Variants in ESRRG observed in about 807,000 individuals in gnomAD.
The protein encoded by ESRRG is estrogen related receptor gamma.
In ESRRG, 13 loss-of-function variants were observed where a neutral mutation model predicts 44.0. That is an observed-to-expected ratio of 0.30 (90% CI 0.19 to 0.47). The LOEUF is 0.47. Among genes scored for constraint, ESRRG ranks in the 20% least tolerant of loss-of-function variants. The probability of loss-of-function intolerance (pLI) is 1.00; values close to 1 mark genes in which losing one functional copy is unlikely to be tolerated. For synonymous variants in ESRRG, 215 were observed against 214.6 expected (o/e 1.00, Z -0.02); for missense variants, 395 against 580.6 (o/e 0.68, Z 3.29).
At position 216,552,778 on chromosome 1, in the gene ESRRG, A is replaced by T. The variant is rs926122718; in HGVS notation, c.862+11441T>A. Among the ~76,000 whole-genome samples the T allele has an allele frequency of 2.6e-5, 4 of 152,140 alleles. No homozygotes were observed. The East Asian group carries it at 5.8e-4, about 22-fold the overall frequency. Reference sequence around the variant, plus strand: ...CAGAATCGACTTTTTGGGGAAAGGGATCTAGCTTTGATATTATTCCATATA... The same window carrying T: ...CAGAATCGACTTTTTGGGGAAAGGGTTCTAGCTTTGATATTATTCCATATA... On this transcript the variant is annotated intron_variant, in intron 5 of 6. Coordinates refer to ENST00000408911, the MANE Select transcript of ESRRG (RefSeq NM_001438.4).
intron 2 of ESRRG, among the ~76,000 whole-genome samples, chr1:216,820,604 A>G (rs983252561): frequency 1.3e-5 from 2 of 152,168 alleles, no homozygotes; most frequent in African/African-American, 4.8e-5. Context: ...TCTTGTGTGA[A>G]CCAAGATGTG....
At chr1:216,985,486 C>A (rs904255467) in intron 1 of ESRRG, among the ~76,000 whole-genome samples, 5 of 152,174 alleles carry the variant, frequency 3.3e-5, no homozygotes, top group African/African-American at 1.2e-4. Flanking sequence ...GGCTTTATAT[C>A]TCCCTGTGCT....
chr1:217,009,702 CTTTTTTTTTTTTTT>C (rs11325118), intron 1 of ESRRG, among the ~76,000 whole-genome samples: 1 of 106,386 alleles, frequency 9.4e-6, no homozygotes, highest in Admixed American at 1.0e-4. Flanking sequence ...TTTTCTTTTT[CTTTTTTTTTTTTTT>C]TTTTTTTGAG....
At position 216,505,034 on chromosome 1, in the gene ESRRG, A is replaced by G. The variant is rs2040960661; in HGVS notation, c.*1905T>C. 1 of 152,674 alleles carries G rather than the reference A, an allele frequency of 6.5e-6. No individual in the cohort carries two copies. Among genetic ancestry groups the G allele is most frequent in the African/African-American group, 2.4e-5 (1 of 41,466 alleles). The allele number at this position is 152,674 out of a possible 1,614,324, so 9.5% of individuals were successfully genotyped here. ...CAAGACAACAGTCTTTGAATGCAAC[A>G]TAAAATTCAGAAAAGCACAGCAAAC... On this transcript the variant is annotated 3_prime_UTR_variant, in exon 7 of 7. Transcript: ENST00000408911.
Position 216,651,057 on chromosome 1 carries a change from C to T in ESRRG, c.505G>A (p.Glu169Lys). The T allele has an allele frequency of 6.2e-7, 1 of 1,612,976 alleles. No homozygotes were observed. The highest frequency in any genetic ancestry group is 8.5e-7 in the Non-Finnish European group (1 of 1,179,058). The change falls in exon 3 of 7, where the codon GAA becomes AAA. Residue 169 changes from glutamate to lysine, a missense_variant. This residue lies in a region of ESRRG where 35 missense variants were observed against 120.1 expected (regional missense o/e 0.29). Coordinates refer to ENST00000408911, the MANE Select transcript of ESRRG (RefSeq NM_001438.4). ...NIEYSCPATN[E>K]CEITKRRRKS... ...CGTCTGCGCTTTGTGATTTCACATT[C>T]ATTCGTGGCAGGGCAGCTGTATTCT...
chr1:216,757,935 G>A (rs2092552688), intron 2 of ESRRG, among the ~76,000 whole-genome samples: 1 of 152,028 alleles, frequency 6.6e-6, no homozygotes, highest in South Asian at 2.1e-4. Flanking sequence ...CTTAGTGCCA[G>A]ATTTAGGAGC....
intron 1 of ESRRG, among the ~76,000 whole-genome samples, chr1:217,064,426 A>C (rs1260428419): frequency 6.6e-6 from 1 of 152,180 alleles, no homozygotes; most frequent in Non-Finnish European, 1.5e-5. Flanking sequence ...AATGATGCTA[A>C]GTAACTTGAT....
intron 3 of ESRRG, among the ~76,000 whole-genome samples, chr1:216,583,240 T>C (rs17042952): frequency 0.026 from 3,928 of 152,276 alleles, 178 homozygotes; most frequent in African/African-American, 0.09. Flanking sequence ...AGAATATTAG[T>C]ATCATTGCAG....
At chr1:216,774,010 C>T (rs2093489817) in intron 2 of ESRRG, among the ~76,000 whole-genome samples, 1 of 152,098 alleles carries the variant, frequency 6.6e-6, no homozygotes, top group African/African-American at 2.4e-5. Flanking sequence ...ACTGCATTTA[C>T]TCTTCATAAC....
intron 1 of ESRRG, among the ~76,000 whole-genome samples, chr1:216,694,647 C>T (rs2079756968): frequency 6.6e-6 from 1 of 151,996 alleles, no homozygotes; most frequent in African/African-American, 2.4e-5. Context: ...GCCTCTTGAC[C>T]TTCTGGGCTC....
intron 2 of ESRRG, among the ~76,000 whole-genome samples, chr1:216,793,096 C>T (rs2094370336): frequency 6.6e-6 from 1 of 152,144 alleles, no homozygotes; most frequent in Admixed American, 6.6e-5. Context: ...ATGTCCACCA[C>T]TCCATCTCTA....
intron 1 of ESRRG, among the ~76,000 whole-genome samples, chr1:216,949,225 T>C (rs1009750281): frequency 2.6e-5 from 4 of 152,238 alleles, no homozygotes; most frequent in African/African-American, 9.6e-5. Flanking sequence ...TTCCTGGTGA[T>C]TCCCTCATTC....
chr1:216,892,209 C>T (rs548486677), intron 2 of ESRRG, among the ~76,000 whole-genome samples: 3 of 152,080 alleles, frequency 2.0e-5, no homozygotes, highest in African/African-American at 7.2e-5. Context: ...TTAGTGTGCC[C>T]CTTATGGCAT....
At chr1:216,658,348 T>G (rs188724182) in intron 2 of ESRRG, among the ~76,000 whole-genome samples, 24 of 152,318 alleles carry the variant, frequency 1.6e-4, no homozygotes, top group African/African-American at 5.5e-4. Context: ...CCCCTAACTT[T>G]GTAAACATGG....
chr1:216,658,715 C>T (rs994494882), intron 2 of ESRRG, among the ~76,000 whole-genome samples: 1 of 151,436 alleles, frequency 6.6e-6, no homozygotes, highest in Non-Finnish European at 1.5e-5. Context: ...CGCCTGTAAT[C>T]CCAGCTACTC....
At chr1:217,030,796 G>C (rs759043547) in intron 1 of ESRRG, among the ~76,000 whole-genome samples, 1 of 152,252 alleles carries the variant, frequency 6.6e-6, no homozygotes, top group African/African-American at 2.4e-5. Context: ...GGATTTCAGA[G>C]AGTACCTCCA....
At chr1:216,919,973 G>A (rs1459746025) in intron 2 of ESRRG, among the ~76,000 whole-genome samples, 2 of 152,180 alleles carry the variant, frequency 1.3e-5, no homozygotes, top group African/African-American at 4.8e-5. Flanking sequence ...GGTGGCAGAT[G>A]CCAGGCGAAG....
chr1:216,906,287 G>A (rs990448151), intron 2 of ESRRG, among the ~76,000 whole-genome samples: 4 of 152,074 alleles, frequency 2.6e-5, no homozygotes, highest in South Asian at 4.1e-4. Flanking sequence ...TAAAATCAAT[G>A]TGCTGCTGAT....
intron 1 of ESRRG, among the ~76,000 whole-genome samples, chr1:216,679,329 T>C (rs1238564968): frequency 6.6e-6 from 1 of 151,878 alleles, no homozygotes; most frequent in Non-Finnish European, 1.5e-5. Context: ...TCCTTAGCAC[T>C]CTGGGCTAAG....
Sources: allele counts gnomAD v4.1 joint callset (sites outside exome capture counted in the v4.1 genomes callset), GRCh38; gene constraint gnomAD v4.1.1; regional missense constraint gnomAD v4.1.1; transcripts MANE v1.5; gene names NCBI Gene and HGNC (gene_info 2026-07-23, HGNC 2026-07-21).